MAPRE1: variants seen among roughly 807,000 people sequenced by gnomAD.
The protein encoded by MAPRE1 is microtubule associated protein RP/EB family member 1.
MAPRE1 carries 5 observed loss-of-function variants against 32.1 expected under a neutral mutation model. The ratio of observed to expected loss-of-function variants is 0.16; its 90% CI spans 0.08 to 0.33. MAPRE1 has a LOEUF of 0.33. Among genes scored for constraint, MAPRE1 ranks in the 10% least tolerant of loss-of-function variants. MAPRE1 has a pLI of 1.00. For synonymous variants in MAPRE1, 122 were observed against 118.9 expected (o/e 1.03, Z -0.17); for missense variants, 209 against 327.2 (o/e 0.64, Z 2.79).
intron 1 of MAPRE1, among the ~76,000 whole-genome samples, chr20:32,822,018 G>A (rs11698922): frequency 6.6e-6 from 1 of 151,670 alleles, no homozygotes; most frequent in Non-Finnish European, 1.5e-5. Context: ...TGATTGAGTC[G>A]GTGGATGTTC....
At chr20:32,820,479 G>C (rs1982664519) in intron 1 of MAPRE1, among the ~76,000 whole-genome samples, 3 of 152,140 alleles carry the variant, frequency 2.0e-5, no homozygotes, top group Admixed American at 2.0e-4. Flanking sequence ...TGTGACCTTG[G>C]ACAGGTGCTT....
chr20:32,822,540 G>T (rs1019327148), intron 1 of MAPRE1, among the ~76,000 whole-genome samples: 1 of 152,120 alleles, frequency 6.6e-6, no homozygotes, highest in African/African-American at 2.4e-5. Context: ...AGTGAGACAA[G>T]GTCCCTACCC....
chr20:32,840,169 C>A (rs1245447687), intron 5 of MAPRE1, among the ~76,000 whole-genome samples: 1 of 152,162 alleles, frequency 6.6e-6, no homozygotes, highest in Non-Finnish European at 1.5e-5. Context: ...TAAAGGAGGT[C>A]TCCTTTTTGA....
rs563508698 is a variant in MAPRE1 at position 32,826,672 on chromosome 20, G to A, written c.121+624G>A. Among the ~76,000 whole-genome samples the A allele has an allele frequency of 1.2e-4, 18 of 151,458 alleles. No individual in the cohort carries two copies. The East Asian group carries it at 1.8e-3, about 15-fold the overall frequency. On this transcript the variant is annotated intron_variant, in intron 2 of 6. Transcript: ENST00000375571. ...CTCCAAAGTACCTGGGACTACAGGC[G>A]TGCATCACCACACCTGGCTAATTTT...
At position 32,826,310 on chromosome 20, in the gene MAPRE1, G is replaced by A. The variant is rs565867986; in HGVS notation, c.121+262G>A. Reference sequence around the variant, plus strand: ...CGGCTCACTTCAAGCTCCGCTTCCCGGGTTCACACCATTCTCCTGCCTCAG... The same window carrying A: ...CGGCTCACTTCAAGCTCCGCTTCCCAGGTTCACACCATTCTCCTGCCTCAG... On this transcript the variant is annotated intron_variant, in intron 2 of 6. Coordinates refer to ENST00000375571, the MANE Select transcript of MAPRE1 (RefSeq NM_012325.3). Among the ~76,000 whole-genome samples the A allele has an allele frequency of 1.1e-3, 166 of 148,836 alleles. 1 individual carries two copies. Among genetic ancestry groups the A allele is most frequent in the Non-Finnish European group, 1.3e-3 (86 of 67,604 alleles).
At chr20:32,836,569 A>G in intron 3 of MAPRE1, 65 bp from the exon 4 acceptor site, 2 of 873,332 alleles carry the variant, frequency 2.3e-6, no homozygotes, top group East Asian at 4.9e-5. Context: ...GAATTGATGC[A>G]TGGACTAGTT....
intron 1 of MAPRE1, among the ~76,000 whole-genome samples, chr20:32,820,721 G>A (rs1982673380): frequency 6.6e-6 from 1 of 152,134 alleles, no homozygotes. Context: ...ATGAGCAGGA[G>A]GACAGTATAA....
intron 2 of MAPRE1, 63 bp from the exon 3 acceptor site, chr20:32,833,654 G>C: frequency 6.7e-7 from 1 of 1,484,990 alleles, no homozygotes; most frequent in Non-Finnish European, 9.2e-7. Context: ...GGTTTAAGTG[G>C]GTCTGGGAAG....
Position 32,820,048 on chromosome 20 carries a change from C to CG in MAPRE1, c.-4+26dup, listed in dbSNP as rs1250565951. 2 of 149,922 alleles carry CG rather than the reference C, an allele frequency of 1.3e-5. No homozygotes were observed. The highest frequency in any genetic ancestry group is 3.0e-5 in the Non-Finnish European group (2 of 67,652). 9.3% of individuals were successfully genotyped at this position (149,922 alleles called of 1,614,324 possible). On this transcript the variant is annotated intron_variant, in intron 1 of 6. Transcript: ENST00000375571. ...GAGCCGGTGAGCCGGCTAGCGGGCC[C>CG]GGGGGGTGCGGCTGGGGGGGCGGCC... is the stretch of plus-strand genomic sequence containing the variant.
At chr20:32,833,612 A>G in intron 2 of MAPRE1, 105 bp from the exon 3 acceptor site, 1 of 984,568 alleles carries the variant, frequency 1.0e-6, no homozygotes, top group South Asian at 1.8e-5. Flanking sequence ...TGGTTTTTGT[A>G]GGTCTACTTC....
chr20:32,837,126 C>T (rs1393291027), intron 4 of MAPRE1, among the ~76,000 whole-genome samples: 1 of 152,182 alleles, frequency 6.6e-6, no homozygotes, highest in Non-Finnish European at 1.5e-5. Flanking sequence ...GAACAAGTTA[C>T]TGTATGCAGT....
chr20:32,842,042 G>A (rs1367178766), intron 5 of MAPRE1, among the ~76,000 whole-genome samples: 1 of 151,764 alleles, frequency 6.6e-6, no homozygotes, highest in African/African-American at 2.4e-5. Flanking sequence ...TGCGTAAATG[G>A]TCATAACAAA....
chr20:32,823,645 A>G (rs1240563738), intron 1 of MAPRE1, among the ~76,000 whole-genome samples: 2 of 152,224 alleles, frequency 1.3e-5, no homozygotes, highest in Non-Finnish European at 2.9e-5. Flanking sequence ...GTGGTGGCTC[A>G]TGCCTGTAAT....
chr20:32,841,832 C>G (rs926064379), intron 5 of MAPRE1, among the ~76,000 whole-genome samples: 3 of 152,136 alleles, frequency 2.0e-5, no homozygotes, highest in African/African-American at 7.2e-5. Flanking sequence ...CTGACACTTG[C>G]TCACAGCAGT....
At chr20:32,845,647 TTTA>T (rs1601173244) in intron 5 of MAPRE1, among the ~76,000 whole-genome samples, 1 of 152,284 alleles carries the variant, frequency 6.6e-6, no homozygotes, top group Non-Finnish European at 1.5e-5. Flanking sequence ...TTTTTAAATT[TTTA>T]TTATTTATTT....
chr20:32,825,553 G>C (rs555770571), intron 1 of MAPRE1, among the ~76,000 whole-genome samples: 15 of 152,274 alleles, frequency 9.9e-5, no homozygotes, highest in African/African-American at 3.4e-4. Context: ...CCAGAACTTT[G>C]GGAGGCCAAG....
intron 6 of MAPRE1, among the ~76,000 whole-genome samples, chr20:32,847,064 T>A (rs1169031298): frequency 6.6e-6 from 1 of 152,202 alleles, no homozygotes; most frequent in Non-Finnish European, 1.5e-5. Flanking sequence ...ACCCATGTCC[T>A]CACTCCACCC....
intron 1 of MAPRE1, among the ~76,000 whole-genome samples, chr20:32,821,346 G>C (rs1168949416): frequency 3.9e-5 from 6 of 152,104 alleles, no homozygotes; most frequent in African/African-American, 1.2e-4. Flanking sequence ...ACAAATAAGG[G>C]GTCTGAGACT....
intron 5 of MAPRE1, 48 bp from the exon 6 acceptor site, chr20:32,846,570 T>C (rs752530187): frequency 9.5e-6 from 15 of 1,583,280 alleles, no homozygotes; most frequent in Admixed American, 3.3e-5. Flanking sequence ...TGATATTTTA[T>C]TGCCATACTA....
Sources: allele counts gnomAD v4.1 joint callset (sites outside exome capture counted in the v4.1 genomes callset), GRCh38; gene constraint gnomAD v4.1.1; transcripts MANE v1.5; gene names NCBI Gene and HGNC (gene_info 2026-07-23, HGNC 2026-07-21).